The following CDH4 variants were observed in gnomAD, a reference collection of about 807,000 sequenced individuals.
The protein encoded by CDH4 is cadherin 4.
A neutral mutation model predicts 86.0 loss-of-function variants in CDH4; 33 were observed. That is an observed-to-expected ratio of 0.38 (90% CI 0.29 to 0.51). CDH4 has a LOEUF of 0.51. Ranked by LOEUF, CDH4 falls within the 20% of genes least tolerant of loss-of-function variation. The pLI, the probability that CDH4 is intolerant of heterozygous loss-of-function variation, is 0.86. For missense variants in CDH4, 1,114 were observed against 1,307.4 expected (o/e 0.85, Z 2.28); for synonymous variants, 555 against 549.4 (o/e 1.01, Z -0.14).
intron 2 of CDH4, among the ~76,000 whole-genome samples, chr20:61,410,439 GTCCA>G (rs201597174): frequency 0.3 from 23,197 of 76,186 alleles, 4,051 homozygotes; most frequent in East Asian, 0.57. Context: ...CCTCCCACTG[GTCCA>G]TCCATCCATC....
At chr20:61,511,184 C>A (rs548231592) in intron 2 of CDH4, among the ~76,000 whole-genome samples, 1 of 152,196 alleles carries the variant, frequency 6.6e-6, no homozygotes, top group Non-Finnish European at 1.5e-5. Context: ...ACCAGCAGGG[C>A]GGGACCGTGT....
intron 9 of CDH4, among the ~76,000 whole-genome samples, chr20:61,912,487 C>T (rs999858748): frequency 1.3e-5 from 2 of 152,160 alleles, no homozygotes; most frequent in Non-Finnish European, 2.9e-5. Context: ...AATATTCAAA[C>T]ATACACACAA....
chr20:61,797,099 C>A (rs1000166539), intron 4 of CDH4, among the ~76,000 whole-genome samples: 1 of 151,344 alleles, frequency 6.6e-6, no homozygotes, highest in African/African-American at 2.4e-5. Flanking sequence ...CCCCCCCCAA[C>A]ACTGGCCAGC....
At chr20:61,621,115 T>G (rs1349747053) in intron 2 of CDH4, among the ~76,000 whole-genome samples, 1 of 152,228 alleles carries the variant, frequency 6.6e-6, no homozygotes, top group East Asian at 1.9e-4. Context: ...GCGCCGTCAG[T>G]ATTTCTTTAG....
chr20:61,274,070 T>TG (rs1307258033), intron 2 of CDH4, among the ~76,000 whole-genome samples: 3 of 118,928 alleles, frequency 2.5e-5, no homozygotes, highest in African/African-American at 9.9e-5. Flanking sequence ...GGGGAAGTAC[T>TG]GGGGGAGTAC....
chr20:61,711,860 A>G (rs543535632), intron 2 of CDH4, among the ~76,000 whole-genome samples: 44 of 152,212 alleles, frequency 2.9e-4, no homozygotes, highest in African/African-American at 1.0e-3. Flanking sequence ...GTGGTATTCC[A>G]GCTGCAGGGA....
chr20:61,445,566 T>G (rs978898243), intron 2 of CDH4, among the ~76,000 whole-genome samples: 3 of 148,556 alleles, frequency 2.0e-5, no homozygotes, highest in Admixed American at 1.3e-4. Flanking sequence ...CCTCCCCCTC[T>G]CCCCTCCCTT....
intron 2 of CDH4, among the ~76,000 whole-genome samples, chr20:61,319,920 A>G (rs1600863067): frequency 1.3e-5 from 2 of 150,944 alleles, no homozygotes; most frequent in African/African-American, 4.9e-5. Flanking sequence ...ATGCCACTGC[A>G]CTCCAGCCTG....
intron 2 of CDH4, among the ~76,000 whole-genome samples, chr20:61,488,160 A>G (rs2085606755): frequency 6.6e-6 from 1 of 152,216 alleles, no homozygotes; most frequent in Non-Finnish European, 1.5e-5. Flanking sequence ...TCGCCGAGGA[A>G]GGAATCTACT....
intron 7 of CDH4, among the ~76,000 whole-genome samples, chr20:61,894,284 A>G (rs1292135499): frequency 2.0e-5 from 3 of 152,286 alleles, no homozygotes; most frequent in Admixed American, 2.0e-4. Flanking sequence ...GACTCCTTCA[A>G]TGCCTAATAA....
intron 2 of CDH4, among the ~76,000 whole-genome samples, chr20:61,534,581 C>T (rs1048736860): frequency 2.7e-5 from 4 of 149,800 alleles, no homozygotes; most frequent in East Asian, 2.0e-4. Context: ...TGAGGCCTTG[C>T]GGTGTTGCTG....
Position 61,684,589 on chromosome 20 carries a change from TG to T in CDH4, c.170-58973del. 6.6e-6 allele frequency among the ~76,000 whole-genome samples: 1 copy of T among 152,228 alleles called. No homozygotes were observed. The highest frequency in any genetic ancestry group is 2.1e-4 in the South Asian group (1 of 4,830). On this transcript the variant is annotated intron_variant, in intron 2 of 15. Coordinates refer to ENST00000614565, the MANE Select transcript of CDH4 (RefSeq NM_001794.5). This position sits in a 1 kb window ranked among gnomAD's most constrained non-coding sequence, Gnocchi z 4.5. ...GAATCCTGGGCTCCGTCCTGGGGGC[TG>T]AAAGGCTCCTGGGGGTTCAGTCTCT...
chr20:61,578,450 G>A lies in CDH4; in HGVS notation c.170-165113G>A, dbSNP rs916889674. On this transcript the variant is annotated intron_variant, in intron 2 of 15. Coordinates refer to ENST00000614565, the MANE Select transcript of CDH4 (RefSeq NM_001794.5). ...GCAAAATAACTGGGGATTTTCTCAC[G>A]TCCCACTGGTTGAACTCTGAGCAAT... 7.5e-4 allele frequency among the ~76,000 whole-genome samples: 114 copies of A among 152,150 alleles called. 2 individuals are homozygous for A. Among genetic ancestry groups the A allele is most frequent in the Non-Finnish European group, 1.6e-4 (11 of 68,026 alleles).
intron 2 of CDH4, 134 bp downstream of exon 2, chr20:61,255,071 G>T: frequency 3.1e-6 from 2 of 644,858 alleles, no homozygotes; most frequent in South Asian, 3.7e-5. Flanking sequence ...TCCACGAGGT[G>T]CAAATTGGTT....
intron 2 of CDH4, among the ~76,000 whole-genome samples, chr20:61,303,753 C>T (rs2084398306): frequency 6.6e-6 from 1 of 152,214 alleles, no homozygotes; most frequent in Non-Finnish European, 1.5e-5. Flanking sequence ...TGGAGCATCA[C>T]TGTGCATCTG....
At chr20:61,491,820 G>C (rs1212300994) in intron 2 of CDH4, among the ~76,000 whole-genome samples, 1 of 150,792 alleles carries the variant, frequency 6.6e-6, no homozygotes, top group East Asian at 2.0e-4. Flanking sequence ...TGCCATTGTT[G>C]GTGGCGGTGG....
intron 7 of CDH4, among the ~76,000 whole-genome samples, chr20:61,875,325 A>T (rs1251718146): frequency 6.6e-6 from 1 of 152,192 alleles, no homozygotes; most frequent in Non-Finnish European, 1.5e-5. Context: ...ATGGGGGCAG[A>T]GAGGCCAGTT....
At chr20:61,671,132 C>G (rs112378544) in intron 2 of CDH4, among the ~76,000 whole-genome samples, 2 of 141,830 alleles carry the variant, frequency 1.4e-5, no homozygotes, top group African/African-American at 6.0e-5. Context: ...TGGGTGGATG[C>G]ATGATGGTTG....
At chr20:61,432,599 G>GTA (rs754273562) in intron 2 of CDH4, among the ~76,000 whole-genome samples, 46 of 151,620 alleles carry the variant, frequency 3.0e-4, no homozygotes, top group Non-Finnish European at 4.7e-4. Flanking sequence ...GTATGTGTGT[G>GTA]TATATATATA....
Sources: gnomAD v4.1 joint callset for allele counts (sites outside exome capture counted in the v4.1 genomes callset) on GRCh38, gnomAD v4.1.1 for gene constraint, Gnocchi (gnomAD v3.1) non-coding constraint, MANE v1.5 for transcripts, NCBI Gene and HGNC (gene_info 2026-07-23, HGNC 2026-07-21) for gene names.